JARID2: variants seen among roughly 807,000 people sequenced by gnomAD.
JARID2 encodes the protein protein Jumonji.
JARID2 carries 21 observed loss-of-function variants against 125.6 expected under a neutral mutation model. That is an observed-to-expected ratio of 0.17 (90% CI 0.12 to 0.24). The LOEUF (loss-of-function observed/expected upper bound fraction) is 0.24. Ranked by LOEUF, JARID2 falls within the 10% of genes least tolerant of loss-of-function variation. The probability of loss-of-function intolerance (pLI) is 1.00; values close to 1 mark genes in which losing one functional copy is unlikely to be tolerated. For missense variants in JARID2, 1,303 were observed against 1,639.6 expected, an observed-to-expected ratio of 0.79 and a Z score of 3.55; for synonymous variants, 736 against 661.6, an observed-to-expected ratio of 1.11 and a Z score of -1.73.
Position 15,520,361 on chromosome 6 carries a change from G to T in JARID2, c.*110G>T. On this transcript the variant is annotated 3_prime_UTR_variant, in exon 18 of 18. Transcript: ENST00000341776. ...CTGTCTTTGCACTAGCTCTAAAGAA[G>T]ATTTTCTTCTGGTTTTAGAGAACTA... The T allele has an allele frequency of 2.5e-6, 2 of 813,210 alleles. No individual in the cohort carries two copies. Among genetic ancestry groups the T allele is most frequent in the Non-Finnish European group, 3.6e-6 (2 of 555,690 alleles). The allele number at this position is 813,210 out of a possible 1,614,324, so 50.4% of individuals were successfully genotyped here.
intron 1 of JARID2, among the ~76,000 whole-genome samples, chr6:15,319,330 T>G (rs1359809211): frequency 1.3e-5 from 2 of 152,200 alleles, no homozygotes; most frequent in African/African-American, 4.8e-5. Context: ...CTTTTGTAAC[T>G]TTTTCCTCTC....
In JARID2 at chr6:15,512,399, AGCCG is replaced by A. The variant is rs770059680; in HGVS notation, c.3135+13_3135+16del. 1 of 1,612,082 alleles carries A rather than the reference AGCCG, an allele frequency of 6.2e-7. No homozygotes were observed. The highest frequency in any genetic ancestry group is 1.1e-5 in the South Asian group (1 of 91,064). The stretch of plus-strand genomic sequence containing the variant: ...GCTTTGAGACCGCCAAGGTGAGCAG[AGCCG>A]GCCTCCTCCCGCTTGCTGCCCCCGC... On this transcript the variant is annotated intron_variant, in intron 14 of 17. Coordinates refer to ENST00000341776, the MANE Select transcript of JARID2 (RefSeq NM_004973.4).
At chr6:15,440,443 C>G (rs1343671454) in intron 3 of JARID2, among the ~76,000 whole-genome samples, 1 of 152,188 alleles carries the variant, frequency 6.6e-6, no homozygotes, top group Non-Finnish European at 1.5e-5. Context: ...CAGGTCCCTC[C>G]CTTTGGTTTG....
chr6:15,276,135 T>G (rs1760491833), intron 1 of JARID2, among the ~76,000 whole-genome samples: 1 of 152,216 alleles, frequency 6.6e-6, no homozygotes, highest in African/African-American at 2.4e-5. Context: ...TAAATGGATG[T>G]TTCCTCCCTT....
intron 16 of JARID2, among the ~76,000 whole-genome samples, chr6:15,516,704 G>C (rs571568093): frequency 6.6e-6 from 1 of 152,206 alleles, no homozygotes; most frequent in East Asian, 1.9e-4. Context: ...TGCGTTCCCC[G>C]GGTGGCCGCC....
intron 1 of JARID2, among the ~76,000 whole-genome samples, chr6:15,293,433 C>G (rs1270014627): frequency 6.6e-6 from 1 of 152,170 alleles, no homozygotes; most frequent in East Asian, 1.9e-4. Flanking sequence ...CCCAAAAAAC[C>G]TGCTAGCTCT....
At chr6:15,386,846 C>T (rs1462813346) in intron 2 of JARID2, among the ~76,000 whole-genome samples, 3 of 152,194 alleles carry the variant, frequency 2.0e-5, no homozygotes, top group African/African-American at 7.2e-5. Flanking sequence ...GAATAAGAAC[C>T]CTGCGATTGG....
At chr6:15,448,906 A>G (rs753210052) in intron 3 of JARID2, among the ~76,000 whole-genome samples, 7 of 152,054 alleles carry the variant, frequency 4.6e-5, no homozygotes, top group Non-Finnish European at 7.4e-5. Context: ...GTCCCAATAA[A>G]TTAGGCTTGT....
chr6:15,353,058 G>A (rs1581445845), intron 1 of JARID2, among the ~76,000 whole-genome samples: 1 of 152,154 alleles, frequency 6.6e-6, no homozygotes, highest in East Asian at 1.9e-4. Context: ...ACTTTTGGGT[G>A]TATGCCAGAG....
At chr6:15,404,777 T>C (rs780815341) in intron 2 of JARID2, among the ~76,000 whole-genome samples, 164 of 152,380 alleles carry the variant, frequency 1.1e-3, no homozygotes, top group Middle Eastern at 3.4e-3. Context: ...CCAGATGTTT[T>C]AGAAGCCCTG....
intron 1 of JARID2, among the ~76,000 whole-genome samples, chr6:15,338,950 A>T (rs1762973846): frequency 6.6e-6 from 1 of 152,218 alleles, no homozygotes; most frequent in African/African-American, 2.4e-5. Flanking sequence ...AGGTTATGTT[A>T]CTTTTGAATT....
chr6:15,247,467 C>T (rs1319421947), intron 1 of JARID2: 14 of 980,900 alleles, frequency 1.4e-5, no homozygotes, highest in Non-Finnish European at 1.7e-5. Context: ...AAAGGGGGAC[C>T]GAGGGATTAA....
intron 1 of JARID2, among the ~76,000 whole-genome samples, chr6:15,293,355 C>T (rs1581379135): frequency 6.6e-6 from 1 of 152,100 alleles, no homozygotes; most frequent in African/African-American, 2.4e-5. Context: ...GTGGAGCTTG[C>T]GGTGAGCTGA....
chr6:15,484,087 T>C (rs1769751586), intron 5 of JARID2, among the ~76,000 whole-genome samples: 2 of 152,200 alleles, frequency 1.3e-5, no homozygotes, highest in African/African-American at 4.8e-5. Flanking sequence ...GTTTCGACCC[T>C]AGCACATCTC....
intron 1 of JARID2, among the ~76,000 whole-genome samples, chr6:15,331,852 GT>G (rs778065222): frequency 1.8e-4 from 27 of 152,082 alleles, no homozygotes; most frequent in Non-Finnish European, 3.2e-4. Flanking sequence ...CCTTTCTGCA[GT>G]TTCGCTTTCT....
At chr6:15,373,748 T>C (rs1284857345) in intron 1 of JARID2, among the ~76,000 whole-genome samples, 1 of 152,212 alleles carries the variant, frequency 6.6e-6, no homozygotes, top group Non-Finnish European at 1.5e-5. Context: ...TTGCTCACTT[T>C]ATAAAACTCA....
intron 2 of JARID2, among the ~76,000 whole-genome samples, chr6:15,408,349 C>A (rs144531566): frequency 6.6e-6 from 1 of 151,920 alleles, no homozygotes; most frequent in Non-Finnish European, 1.5e-5. Flanking sequence ...GGTTCTTTAA[C>A]CAGCATTTTT....
intron 3 of JARID2, among the ~76,000 whole-genome samples, chr6:15,448,304 G>A (rs1206500199): frequency 2.0e-5 from 3 of 152,172 alleles, no homozygotes; most frequent in South Asian, 2.1e-4. Flanking sequence ...TTTTATTTGA[G>A]CATTGGTAGG....
chr6:15,328,893 A>T (rs1213123875), intron 1 of JARID2, among the ~76,000 whole-genome samples: 1 of 152,234 alleles, frequency 6.6e-6, no homozygotes, highest in Non-Finnish European at 1.5e-5. Context: ...CTGAGGCCCC[A>T]CCTGTGTGGG....
Sources: allele counts gnomAD v4.1 joint callset (sites outside exome capture counted in the v4.1 genomes callset), GRCh38; gene constraint gnomAD v4.1.1; transcripts MANE v1.5; gene names NCBI Gene and HGNC (gene_info 2026-07-23, HGNC 2026-07-21).